ANTXRL: variants seen among roughly 807,000 people sequenced by gnomAD.
ANTXRL encodes anthrax toxin receptor-like.
ANTXRL carries 63 observed loss-of-function variants against 75.4 expected under a neutral mutation model. The observed-to-expected ratio is 0.84, with a 90% CI of 0.68 to 1.03. ANTXRL has a LOEUF of 1.03. Ranked by LOEUF, ANTXRL falls within the 50% of genes least tolerant of loss-of-function variation. The pLI, the probability that ANTXRL is intolerant of heterozygous loss-of-function variation, is 0.00. For synonymous variants in ANTXRL, 335 were observed against 291.3 expected (o/e 1.15, Z -1.53); for missense variants, 797 against 789.4 (o/e 1.01, Z -0.12).
In ANTXRL at chr10:46,290,369, A is replaced by G. The variant is rs4926072; in HGVS notation, c.249-1689A>G. ...TTTATCTTTTCGTCTGTTGATGGAC[A>G]CTTGGGTTGCTTCTGCCATTTGGCA... On this transcript the variant is annotated intron_variant, in intron 1 of 16. Coordinates refer to ENST00000620264, the MANE Select transcript of ANTXRL (RefSeq NM_001278688.3). Among the ~76,000 whole-genome samples, 1,739 of 152,228 alleles carry G rather than the reference A, an allele frequency of 0.011. 103 individuals are homozygous for G. In the East Asian group the frequency reaches 0.19, roughly 17 times the overall value.
rs933419735 is a variant in ANTXRL at position 46,320,368 on chromosome 10, G to A, written c.1410+7052G>A. The stretch of plus-strand genomic sequence containing the variant: ...TAATGGAATAAGCACATTCTCTACT[G>A]ACCCAATATAGGCCCTTAGGGGTTG... On this transcript the variant is annotated intron_variant, in intron 16 of 16. Coordinates refer to ENST00000620264, the MANE Select transcript of ANTXRL (RefSeq NM_001278688.3). Among the ~76,000 whole-genome samples, 17 of 152,112 alleles carry A rather than the reference G, an allele frequency of 1.1e-4. 1 individual carries two copies. Among genetic ancestry groups the A allele is most frequent in the Admixed American group, 8.5e-4 (13 of 15,262 alleles).
At chr10:46,308,884 A>G (rs1183593908) in intron 12 of ANTXRL, among the ~76,000 whole-genome samples, 4 of 152,080 alleles carry the variant, frequency 2.6e-5, no homozygotes, top group African/African-American at 9.7e-5. Context: ...TCATCAGACC[A>G]TGGAAGCTTC....
chr10:46,299,911 CTGA>C (rs1837614198), intron 9 of ANTXRL, among the ~76,000 whole-genome samples: 1 of 152,200 alleles, frequency 6.6e-6, no homozygotes, highest in Non-Finnish European at 1.5e-5. Context: ...CCATGCAGAG[CTGA>C]GGGCAGGGGT....
intron 9 of ANTXRL, among the ~76,000 whole-genome samples, chr10:46,299,343 G>A (rs1768524995): frequency 6.6e-6 from 1 of 152,156 alleles, no homozygotes; most frequent in Non-Finnish European, 1.5e-5. Flanking sequence ...CCCAGTGCCT[G>A]TCCATGCTGT....
intron 1 of ANTXRL, among the ~76,000 whole-genome samples, chr10:46,289,963 TG>T (rs1321620399): frequency 6.6e-6 from 1 of 152,136 alleles, no homozygotes. Flanking sequence ...GTTTATCCCA[TG>T]TTGTCGCATC....
intron 10 of ANTXRL, 27 bp downstream of exon 10, chr10:46,302,847 G>A (rs2132736085): frequency 2.0e-6 from 3 of 1,471,206 alleles, no homozygotes; most frequent in Non-Finnish European, 2.8e-6. Flanking sequence ...GTGCCTCTGA[G>A]TCACGTATTT....
At chr10:46,302,879 C>T (rs1397187421) in intron 10 of ANTXRL, 59 bp downstream of exon 10, 2 of 1,307,164 alleles carry the variant, frequency 1.5e-6, no homozygotes, top group Admixed American at 2.0e-5. Context: ...CTGCCTTTCC[C>T]CACAGCCAGC....
chr10:46,288,014 G>A (rs75923457), intron 1 of ANTXRL, among the ~76,000 whole-genome samples: 4,429 of 152,094 alleles, frequency 0.029, 154 homozygotes, highest in East Asian at 0.13. Flanking sequence ...TGCCTCTTCT[G>A]CAACTTGGAG....
chr10:46,310,936 G>C (rs1456945466), intron 14 of ANTXRL, among the ~76,000 whole-genome samples: 1 of 152,114 alleles, frequency 6.6e-6, no homozygotes, highest in African/African-American at 2.4e-5. Context: ...CGAGGGGCTG[G>C]CTGGGGTTAG....
chr10:46,293,734 G>C (rs1588792761), intron 2 of ANTXRL, 95 bp from the exon 3 acceptor site: 2 of 1,024,960 alleles, frequency 2.0e-6, no homozygotes, highest in East Asian at 5.2e-5. Flanking sequence ...GCTCCAAAGC[G>C]GAAGAGTTGG....
chr10:46,302,956 T>G, intron 10 of ANTXRL, 136 bp downstream of exon 10: 1 of 696,386 alleles, frequency 1.4e-6, no homozygotes, highest in South Asian at 1.8e-5. Context: ...TGAGGACAAG[T>G]GGAAGGAGGC....
intron 12 of ANTXRL, chr10:46,308,551 C>A (rs1372045681): frequency 4.7e-6 from 2 of 428,690 alleles, no homozygotes; most frequent in Non-Finnish European, 9.4e-6. Context: ...CGAAGAACAC[C>A]CAGAGAACTG....
chr10:46,299,939 T>A (rs1837616296), intron 9 of ANTXRL, among the ~76,000 whole-genome samples: 1 of 152,102 alleles, frequency 6.6e-6, no homozygotes, highest in South Asian at 2.1e-4. Context: ...TAGAGAGGGC[T>A]CTCCTCCCCC....
chr10:46,313,599 C>A (rs1483822850), intron 16 of ANTXRL, among the ~76,000 whole-genome samples: 3 of 152,100 alleles, frequency 2.0e-5, no homozygotes, highest in Non-Finnish European at 4.4e-5. Flanking sequence ...AGGATTCCTT[C>A]CTTGGTTCAT....
At position 46,287,083 on chromosome 10, in the gene ANTXRL, G is replaced by A; in HGVS notation, c.-180G>A. The A allele has an allele frequency of 2.6e-6, 2 of 779,704 alleles. No homozygotes were observed. Among genetic ancestry groups the A allele is most frequent in the Non-Finnish European group, 4.0e-6 (2 of 502,974 alleles). The allele number at this position is 779,704 out of a possible 1,614,324, so 48.3% of individuals were successfully genotyped here. A position where few individuals can be genotyped will look rare whatever the true frequency, so the allele number is the denominator to read the frequency against. ...CTCCCAGAGCCAGCTGCTGACCCTAGTCCCTGCGATCTGGGGAGGTACCTG... is the reference window on the plus strand; with the variant it reads ...CTCCCAGAGCCAGCTGCTGACCCTAATCCCTGCGATCTGGGGAGGTACCTG... On this transcript the variant is annotated 5_prime_UTR_variant, in exon 1 of 17. Coordinates refer to ENST00000620264, the MANE Select transcript of ANTXRL (RefSeq NM_001278688.3).
chr10:46,304,779 G>A (rs1837970999), intron 10 of ANTXRL, among the ~76,000 whole-genome samples: 2 of 152,178 alleles, frequency 1.3e-5, no homozygotes, highest in African/African-American at 2.4e-5. Context: ...GGGCAGGAAA[G>A]CAGACCCAGG....
At chr10:46,308,717 G>C (rs1838249725) in intron 12 of ANTXRL, 1 of 340,620 alleles carries the variant, frequency 2.9e-6, no homozygotes, top group Admixed American at 4.2e-5. Context: ...ACGGTGCAGA[G>C]CCTGGAAGTG....
chr10:46,325,310 C>G (rs909611718), intron 16 of ANTXRL, among the ~76,000 whole-genome samples: 7 of 152,138 alleles, frequency 4.6e-5, no homozygotes, highest in African/African-American at 1.7e-4. Flanking sequence ...TGGGTGTTTG[C>G]AATGAAGGCA....
At chr10:46,311,853 A>G (rs1554963647) in intron 15 of ANTXRL, among the ~76,000 whole-genome samples, 188 bp downstream of exon 15, 1 of 152,116 alleles carries the variant, frequency 6.6e-6, no homozygotes, top group Non-Finnish European at 1.5e-5. Flanking sequence ...TGGCAGGCAT[A>G]TATGAGGGCT....
Sources: gnomAD v4.1 joint callset for allele counts (sites outside exome capture counted in the v4.1 genomes callset) on GRCh38, gnomAD v4.1.1 for gene constraint, MANE v1.5 for transcripts, NCBI Gene and HGNC (gene_info 2026-07-23, HGNC 2026-07-21) for gene names.